DOCK11: variants seen among roughly 807,000 people sequenced by gnomAD.
The protein encoded by DOCK11 is dedicator of cytokinesis protein 11.
A neutral mutation model predicts 169.1 loss-of-function variants in DOCK11; 70 were observed. That is an observed-to-expected ratio of 0.41 (90% confidence interval 0.34 to 0.51). DOCK11 has a LOEUF of 0.51. Among genes scored for constraint, DOCK11 ranks in the 20% least tolerant of loss-of-function variants. The pLI is 0.10. For missense variants in DOCK11, 1,166 were observed against 1,538.8 expected, an observed-to-expected ratio of 0.76 and a Z score of 4.05; for synonymous variants, 529 against 541.3, an observed-to-expected ratio of 0.98 and a Z score of 0.32.
rs962897999 is a variant in DOCK11 at position 118,502,793 on chromosome X, A to C, written c.102+6720A>C. ...ACAAACAAACAAACAAACAAACAAA[A>C]AAACAGTATTCCAGAAGGATCTGCC... On this transcript the variant is annotated intron_variant, in intron 1 of 52. Coordinates refer to ENST00000276202, the MANE Select transcript of DOCK11 (RefSeq NM_144658.4). 1.9e-4 allele frequency among the ~76,000 whole-genome samples: 21 copies of C among 108,245 alleles called. 1 individual carries two copies. The highest frequency in any genetic ancestry group is 1.2e-3 in the Admixed American group (12 of 10,224). The allele number at this position is 108,245 out of a possible 115,157, so 94.0% of individuals were successfully genotyped here.
chrX:118,576,266 A>AGTGG (rs1161797713), intron 12 of DOCK11, among the ~76,000 whole-genome samples: 5 of 111,214 alleles, frequency 4.5e-5, no homozygotes, highest in African/African-American at 1.6e-4. Flanking sequence ...GGGCCAGCAA[A>AGTGG]GTGGGTAAGA....
intron 40 of DOCK11, among the ~76,000 whole-genome samples, chrX:118,647,608 A>G (rs1443261937): frequency 1.5e-5 from 1 of 64,767 alleles, no homozygotes. Context: ...TAATATATAA[A>G]TATAATATAT....
chrX:118,630,379 AC>A lies in DOCK11; in HGVS notation c.3778del (p.Arg1260AspfsTer24). The A allele has an allele frequency of 8.4e-7, 1 of 1,187,064 alleles. No individual in the cohort carries two copies. The highest frequency in any genetic ancestry group is 1.1e-6 in the Non-Finnish European group (1 of 875,903). On this transcript the variant is annotated frameshift_variant and splice_region_variant, in exon 35 of 53. Transcript: ENST00000276202. LOFTEE classifies it high-confidence loss of function. ...TTTCACGAACATCCTGTCCTTACAG[AC>A]CCGACAGAGTTCTACAAGGAGTAGT... The part of the protein sequence containing the change: ...FPDQGNTGEN[T>X]RQSSTRSSVS...
intron 1 of DOCK11, among the ~76,000 whole-genome samples, chrX:118,531,545 G>GTATATA (rs200395078): frequency 4.1e-5 from 4 of 97,112 alleles, no homozygotes; most frequent in Non-Finnish European, 6.2e-5. Flanking sequence ...TTTGAAGTGT[G>GTATATA]TATATATATA....
At chrX:118,559,772 C>T (rs1310616240) in intron 6 of DOCK11, among the ~76,000 whole-genome samples, 1 of 110,636 alleles carries the variant, frequency 9.0e-6, no homozygotes, top group Non-Finnish European at 1.9e-5. Context: ...TATATAATCA[C>T]CATTATGATT....
At chrX:118,531,286 T>C (rs1212470812) in intron 1 of DOCK11, among the ~76,000 whole-genome samples, 6 of 106,195 alleles carry the variant, frequency 5.6e-5, no homozygotes, top group Non-Finnish European at 1.2e-4. Context: ...AGACTTCATC[T>C]CTACAAAAAT....
At chrX:118,507,789 G>T (rs949581938) in intron 1 of DOCK11, among the ~76,000 whole-genome samples, 1 of 111,891 alleles carries the variant, frequency 8.9e-6, no homozygotes, top group African/African-American at 3.3e-5. Context: ...CCCCTCTTCT[G>T]TAAGTGGGGA....
chrX:118,641,203 T>C lies in DOCK11; in HGVS notation c.4158T>C (p.Thr1386=). ...TTTTAATCCTAGGTTCTACAACAACTGAAGCAGACATTTTCCACCAGGCAC... is the reference window on the plus strand; with the variant it reads ...TTTTAATCCTAGGTTCTACAACAACCGAAGCAGACATTTTCCACCAGGCAC... ...SFTLNHSSTT[T]EADIFHQALL... The change falls in exon 39 of 53, where the codon ACT becomes ACC. Residue 1386 remains threonine, a synonymous_variant. Coordinates refer to ENST00000276202, the MANE Select transcript of DOCK11 (RefSeq NM_144658.4). 8.3e-7 allele frequency: 1 copy of C among 1,206,929 alleles called. No individual in the cohort carries two copies. Among genetic ancestry groups the C allele is most frequent in the Non-Finnish European group, 1.1e-6 (1 of 891,093 alleles).
intron 6 of DOCK11, among the ~76,000 whole-genome samples, chrX:118,552,048 A>AT (rs1232436765): frequency 2.4e-4 from 26 of 108,288 alleles, no homozygotes; most frequent in Non-Finnish European, 4.6e-4. Context: ...AAAAAAAAAA[A>AT]AAAAGGGAGG....
intron 24 of DOCK11, among the ~76,000 whole-genome samples, chrX:118,607,443 A>T: frequency 5.0e-5 from 2 of 39,994 alleles, no homozygotes; most frequent in African/African-American, 2.0e-4. Context: ...TTTTTTTGAG[A>T]CAGAGTCTCG....
chrX:118,682,394 C>A (rs956532608), intron 51 of DOCK11, among the ~76,000 whole-genome samples: 3 of 111,344 alleles, frequency 2.7e-5, no homozygotes, highest in East Asian at 5.7e-4. Flanking sequence ...CATTTGCTCC[C>A]GACTTATTTT....
At chrX:118,516,155 T>G (rs1169117792) in intron 1 of DOCK11, among the ~76,000 whole-genome samples, 2 of 89,813 alleles carry the variant, frequency 2.2e-5, no homozygotes, top group Non-Finnish European at 4.3e-5. Context: ...TGCAGTGGCA[T>G]GATCTCGACT....
At chrX:118,499,502 G>A (rs1467841087) in intron 1 of DOCK11, among the ~76,000 whole-genome samples, 1 of 111,905 alleles carries the variant, frequency 8.9e-6, no homozygotes, top group Non-Finnish European at 1.9e-5. Context: ...GCTGAAAAGC[G>A]TCTGCAGCTG....
At chrX:118,628,335 G>C (rs185430974) in intron 34 of DOCK11, 63 bp downstream of exon 34, 1 of 747,731 alleles carries the variant, frequency 1.3e-6, no homozygotes, top group East Asian at 3.2e-5. Context: ...TTTTTTTATA[G>C]TATAAATATG....
At chrX:118,634,406 T>C (rs2015331069) in intron 35 of DOCK11, among the ~76,000 whole-genome samples, 1 of 112,726 alleles carries the variant, frequency 8.9e-6, no homozygotes, top group East Asian at 2.8e-4. Flanking sequence ...TTGGAGCTAG[T>C]TCGCTGTGAG....
intron 40 of DOCK11, among the ~76,000 whole-genome samples, chrX:118,646,053 CAAAAA>C (rs754457760): frequency 1.6e-3 from 63 of 38,994 alleles, no homozygotes; most frequent in African/African-American, 5.1e-3. Context: ...GAGACTTCGT[CAAAAA>C]AAAAAAAAAA....
At position 118,646,711 on chromosome X, in the gene DOCK11, T is replaced by C. The variant is rs1242844522; in HGVS notation, c.4399-2234T>C. On this transcript the variant is annotated intron_variant, in intron 40 of 52. Coordinates refer to ENST00000276202, the MANE Select transcript of DOCK11 (RefSeq NM_144658.4). ...TTTTCATACCAGAGTATCTGCTTCA[T>C]CCAGAGTTAGTTTAGTTTGGTGAAA... Among the ~76,000 whole-genome samples, 6 of 111,700 alleles carry C rather than the reference T, an allele frequency of 5.4e-5. No individual in the cohort carries two copies. In the Admixed American group the frequency reaches 5.7e-4, roughly 11 times the overall value.
At position 118,600,410 on chromosome X, in the gene DOCK11, A is replaced by T. The variant is rs796196926; in HGVS notation, c.2562+1182A>T. ...ATTCTGGTTTGTTTTCTTTTTTTTT[A>T]AAAAAAAAAAAAAAGAAAAAAGAAA... On this transcript the variant is annotated intron_variant, in intron 23 of 52. Transcript: ENST00000276202. Among the ~76,000 whole-genome samples the T allele has an allele frequency of 1.8e-3, 147 of 82,619 alleles. 1 individual carries two copies. The highest frequency in any genetic ancestry group is 2.5e-3 in the African/African-American group (59 of 23,846). The allele number at this position is 82,619 out of a possible 115,157, so 71.7% of individuals were successfully genotyped here.
chrX:118,571,907 C>CA (rs1251086729), intron 10 of DOCK11, among the ~76,000 whole-genome samples: 3 of 111,571 alleles, frequency 2.7e-5, no homozygotes, highest in Non-Finnish European at 5.7e-5. Flanking sequence ...GGGTTCCTGA[C>CA]AGAGTAGCAA....
Sources: gnomAD v4.1 joint callset for allele counts (sites outside exome capture counted in the v4.1 genomes callset) on GRCh38, gnomAD v4.1.1 for gene constraint, MANE v1.5 for transcripts, NCBI Gene and HGNC (gene_info 2026-07-23, HGNC 2026-07-21) for gene names.